The following RNF138 variants were observed in gnomAD, a reference collection of about 807,000 sequenced individuals.
RNF138 encodes ring finger protein 138.
A neutral mutation model predicts 31.0 loss-of-function variants in RNF138; 12 were observed. The ratio of observed to expected loss-of-function variants is 0.39; its 90% CI spans 0.25 to 0.63. The LOEUF (loss-of-function observed/expected upper bound fraction) is 0.63. Among genes scored for constraint, RNF138 ranks in the 20% least tolerant of loss-of-function variants. The pLI is 0.52. For missense variants in RNF138, 192 were observed against 300.1 expected, an observed-to-expected ratio of 0.64 and a Z score of 2.66; for synonymous variants, 105 against 99.5, an observed-to-expected ratio of 1.06 and a Z score of -0.33.
chr18:32,097,527 A>G (rs1459171278), intron 2 of RNF138, among the ~76,000 whole-genome samples: 1 of 152,040 alleles, frequency 6.6e-6, no homozygotes. Flanking sequence ...TCTGTTGCCC[A>G]GGCTGGAGTG....
chr18:32,098,336 A>C (rs759100364), intron 2 of RNF138, among the ~76,000 whole-genome samples: 2 of 151,730 alleles, frequency 1.3e-5, no homozygotes, highest in Non-Finnish European at 2.9e-5. Context: ...TTTTTTAGAG[A>C]TGGGGTCTTG....
intron 3 of RNF138, among the ~76,000 whole-genome samples, chr18:32,112,946 T>C (rs1042840111): frequency 1.3e-5 from 2 of 152,330 alleles, no homozygotes; most frequent in African/African-American, 2.4e-5. Flanking sequence ...ACAAGTCAGA[T>C]CTGCTTTTAC....
chr18:32,114,596 T>C (rs2040185168), intron 4 of RNF138, among the ~76,000 whole-genome samples: 1 of 152,056 alleles, frequency 6.6e-6, no homozygotes, highest in Admixed American at 6.5e-5. Flanking sequence ...ATTCATTCCT[T>C]TGATTTTCTT....
intron 3 of RNF138, 79 bp downstream of exon 3, chr18:32,111,998 TG>T: frequency 1.1e-5 from 14 of 1,284,608 alleles, no homozygotes; most frequent in African/African-American, 1.6e-5. Context: ...TCTTGGTTGG[TG>T]TTTTTTTTTT....
chr18:32,097,968 G>A (rs911839709), intron 2 of RNF138, among the ~76,000 whole-genome samples: 1 of 87,004 alleles, frequency 1.1e-5, no homozygotes, highest in South Asian at 3.7e-4. Flanking sequence ...GTGTGTGTGT[G>A]TGTGTGTGTT....
intron 2 of RNF138, among the ~76,000 whole-genome samples, chr18:32,096,869 T>C (rs575672062): frequency 6.6e-6 from 1 of 152,252 alleles, no homozygotes; most frequent in East Asian, 1.9e-4. Flanking sequence ...TAGCTGGGAC[T>C]ACAGGCACTC....
At chr18:32,116,634 C>T (rs935642799) in intron 4 of RNF138, among the ~76,000 whole-genome samples, 20 of 151,824 alleles carry the variant, frequency 1.3e-4, no homozygotes, top group African/African-American at 4.8e-4. Context: ...TCACTGTAGC[C>T]TTGACCTCCT....
At chr18:32,099,434 G>A (rs893537512) in intron 2 of RNF138, among the ~76,000 whole-genome samples, 22 of 152,096 alleles carry the variant, frequency 1.4e-4, no homozygotes, top group Admixed American at 1.4e-3. Context: ...ACAAAATCTC[G>A]CTCTGTTGCC....
At chr18:32,108,107 G>A (rs767419586) in intron 2 of RNF138, among the ~76,000 whole-genome samples, 19 of 150,418 alleles carry the variant, frequency 1.3e-4, no homozygotes, top group Non-Finnish European at 2.7e-4. Flanking sequence ...CACCCGCCTC[G>A]GCTCCTCAAG....
intron 4 of RNF138, among the ~76,000 whole-genome samples, chr18:32,122,015 CCCGTCA>C (rs1162410867): frequency 6.6e-6 from 1 of 152,052 alleles, no homozygotes; most frequent in Non-Finnish European, 1.5e-5. Context: ...ATTACAGGCG[CCCGTCA>C]CCACACCCGG....
intron 5 of RNF138, 26 bp from the exon 6 acceptor site, chr18:32,124,708 A>G: frequency 2.8e-6 from 3 of 1,058,694 alleles, no homozygotes; most frequent in Non-Finnish European, 4.4e-6. Flanking sequence ...TGAATTAAGT[A>G]TGTTTCACTT....
intron 2 of RNF138, among the ~76,000 whole-genome samples, chr18:32,108,482 T>G (rs936537251): frequency 1.3e-5 from 2 of 152,238 alleles, no homozygotes; most frequent in African/African-American, 4.8e-5. Flanking sequence ...TTCATATTGT[T>G]GCTTATAGCT....
chr18:32,094,204 TTTTC>T (rs1259555213), intron 2 of RNF138, among the ~76,000 whole-genome samples: 1 of 127,468 alleles, frequency 7.8e-6, no homozygotes, highest in Non-Finnish European at 1.8e-5. Flanking sequence ...TTCGACTTTT[TTTTC>T]TTTTTTTTTT....
intron 2 of RNF138, among the ~76,000 whole-genome samples, chr18:32,094,458 T>A (rs188350516): frequency 6.6e-6 from 1 of 152,346 alleles, no homozygotes; most frequent in East Asian, 1.9e-4. Flanking sequence ...TGACATCTTG[T>A]TATTTTGTGC....
chr18:32,119,360 A>G (rs1660629507), intron 4 of RNF138, among the ~76,000 whole-genome samples: 1 of 152,164 alleles, frequency 6.6e-6, no homozygotes, highest in African/African-American at 2.4e-5. Flanking sequence ...TTGGCCTCCT[A>G]AAGTGTTGGG....
intron 1 of RNF138, 117 bp downstream of exon 1, chr18:32,092,352 GA>G: frequency 1.2e-5 from 2 of 163,924 alleles, no homozygotes; most frequent in Non-Finnish European, 2.7e-5. Flanking sequence ...AGTAGAGGCG[GA>G]AAAGCAGTGA....
intron 4 of RNF138, among the ~76,000 whole-genome samples, 163 bp from the exon 5 acceptor site, chr18:32,123,355 C>T (rs981676327): frequency 3.9e-5 from 6 of 151,984 alleles, no homozygotes; most frequent in African/African-American, 1.4e-4. Context: ...ATTTGAAGTT[C>T]AAATTTTGTT....
At chr18:32,117,595 A>G (rs2040238049) in intron 4 of RNF138, among the ~76,000 whole-genome samples, 1 of 152,240 alleles carries the variant, frequency 6.6e-6, no homozygotes, top group Non-Finnish European at 1.5e-5. Flanking sequence ...ACTCCACGTT[A>G]TGAATATACG....
At chr18:32,108,988 G>A (rs532079655) in intron 2 of RNF138, among the ~76,000 whole-genome samples, 2 of 151,958 alleles carry the variant, frequency 1.3e-5, no homozygotes, top group African/African-American at 4.8e-5. Flanking sequence ...AGGTTTGATG[G>A]GTATATACTT....
Sources: allele counts gnomAD v4.1 joint callset (sites outside exome capture counted in the v4.1 genomes callset), GRCh38; gene constraint gnomAD v4.1.1; transcripts MANE v1.5; gene names NCBI Gene and HGNC (gene_info 2026-07-23, HGNC 2026-07-21).